KCMF1: variants seen among roughly 807,000 people sequenced by gnomAD.
KCMF1 encodes E3 ubiquitin-protein ligase KCMF1.
Under a neutral mutation model 41.1 loss-of-function variants are expected in KCMF1, and 3 were observed. That is an observed-to-expected ratio of 0.07 (90% CI 0.03 to 0.19). The LOEUF is 0.19. Ranked by LOEUF, KCMF1 falls within the 10% of genes least tolerant of loss-of-function variation. The pLI is 1.00. For synonymous variants in KCMF1, 142 were observed against 164.5 expected, an observed-to-expected ratio of 0.86 and a Z score of 1.04; for missense variants, 286 against 488.9, an observed-to-expected ratio of 0.58 and a Z score of 3.91.
intron 1 of KCMF1, among the ~76,000 whole-genome samples, chr2:84,992,905 A>G (rs1301897041): frequency 1.3e-5 from 2 of 152,144 alleles, no homozygotes; most frequent in Admixed American, 6.5e-5. Context: ...CAGCATCACC[A>G]TAGACAGTAT....
chr2:84,992,606 G>A (rs920779153), intron 1 of KCMF1, among the ~76,000 whole-genome samples: 5 of 151,558 alleles, frequency 3.3e-5, no homozygotes, highest in Admixed American at 6.6e-5. Context: ...CAGTTTTAAC[G>A]ATTTTATTTA....
chr2:85,004,341 C>G (rs543986664), intron 1 of KCMF1, among the ~76,000 whole-genome samples: 1 of 152,100 alleles, frequency 6.6e-6, no homozygotes, highest in South Asian at 2.1e-4. Context: ...GAAAACCTGC[C>G]TCTACTAAAA....
chr2:85,005,177 C>G (rs1406738120), intron 1 of KCMF1, among the ~76,000 whole-genome samples: 3 of 151,452 alleles, frequency 2.0e-5, no homozygotes, highest in East Asian at 2.0e-4. Context: ...AAAGTGCTGG[C>G]ATTACAGGCA....
At chr2:85,049,224 AT>A (rs1228429466) in intron 5 of KCMF1, 141 bp from the exon 6 acceptor site, 4 of 766,038 alleles carry the variant, frequency 5.2e-6, no homozygotes, top group Non-Finnish European at 8.5e-6. Context: ...TTCTAGAAGG[AT>A]TCAGCTCTTA....
chr2:85,004,721 A>G (rs1003866403), intron 1 of KCMF1, among the ~76,000 whole-genome samples: 3 of 151,990 alleles, frequency 2.0e-5, no homozygotes, highest in African/African-American at 7.3e-5. Flanking sequence ...CTTACCCTTT[A>G]TATTACCGGT....
At chr2:85,046,502 T>A (rs1366160407) in intron 5 of KCMF1, among the ~76,000 whole-genome samples, 1 of 151,906 alleles carries the variant, frequency 6.6e-6, no homozygotes, top group Admixed American at 6.6e-5. Context: ...TGGTGGTGGG[T>A]GCCTGTAATC....
At position 85,000,353 on chromosome 2, in the gene KCMF1, G is replaced by A. The variant is rs559501918; in HGVS notation, c.17-27536G>A. ...TTAGCCAGGATGGTCTCGATCTCCTGACCTCGTGATCCGCCCATCTCAACC... is the reference window on the plus strand; with the variant it reads ...TTAGCCAGGATGGTCTCGATCTCCTAACCTCGTGATCCGCCCATCTCAACC... On this transcript the variant is annotated intron_variant, in intron 1 of 6. Transcript: ENST00000409785. 2.0e-5 allele frequency among the ~76,000 whole-genome samples: 3 copies of A among 152,248 alleles called. No individual in the cohort carries two copies. In the East Asian group the frequency reaches 5.8e-4, roughly 29 times the overall value.
intron 1 of KCMF1, among the ~76,000 whole-genome samples, chr2:85,001,303 G>A (rs1255018801): frequency 2.6e-5 from 4 of 151,522 alleles, no homozygotes; most frequent in South Asian, 4.2e-4. Context: ...GACTACAGGC[G>A]TATACCACCA....
At chr2:84,995,168 C>G (rs1049975704) in intron 1 of KCMF1, among the ~76,000 whole-genome samples, 1 of 151,864 alleles carries the variant, frequency 6.6e-6, no homozygotes, top group Admixed American at 6.6e-5. Context: ...ATTACAGGCG[C>G]CCACCACCAA....
At chr2:85,051,460 G>C (rs989756504) in intron 6 of KCMF1, among the ~76,000 whole-genome samples, 3 of 142,988 alleles carry the variant, frequency 2.1e-5, no homozygotes, top group Non-Finnish European at 4.5e-5. Flanking sequence ...AAACTACTCA[G>C]CTTGATCTGT....
intron 1 of KCMF1, among the ~76,000 whole-genome samples, chr2:85,006,766 T>C (rs1342675758): frequency 6.6e-6 from 1 of 151,656 alleles, no homozygotes; most frequent in Non-Finnish European, 1.5e-5. Context: ...ATGTATCTAG[T>C]AAAAAGAGAA....
intron 2 of KCMF1, among the ~76,000 whole-genome samples, chr2:85,028,473 C>T (rs1279848866): frequency 7.2e-6 from 1 of 139,440 alleles, no homozygotes; most frequent in African/African-American, 2.7e-5. Flanking sequence ...GCGTGAGCCA[C>T]TGTGCCTGGC....
chr2:85,051,749 C>A (rs1033831378), intron 6 of KCMF1, among the ~76,000 whole-genome samples: 4 of 152,172 alleles, frequency 2.6e-5, no homozygotes, highest in African/African-American at 7.2e-5. Context: ...CTTCCACCCC[C>A]AATTAATAAG....
intron 1 of KCMF1, among the ~76,000 whole-genome samples, chr2:84,993,701 G>A (rs1376613265): frequency 7.3e-5 from 11 of 150,270 alleles, no homozygotes; most frequent in Middle Eastern, 3.6e-3. Flanking sequence ...TCAGCCTCCC[G>A]AGTAGCTGGG....
chr2:85,024,590 G>A (rs1330268632), intron 1 of KCMF1, among the ~76,000 whole-genome samples: 1 of 151,752 alleles, frequency 6.6e-6, no homozygotes, highest in African/African-American at 2.4e-5. Flanking sequence ...GAGAGTGTGT[G>A]TGTGTGTGTG....
rs1437099969 is a variant in KCMF1, at chr2:85,024,575, AGAGAGAGAGT to A, written c.17-3312_17-3303del. 3.2e-3 allele frequency among the ~76,000 whole-genome samples: 455 copies of A among 143,726 alleles called. 2 individuals are homozygous for A. Among genetic ancestry groups the A allele is most frequent in the African/African-American group, 0.01 (410 of 39,586 alleles). The allele number at this position is 143,726 out of a possible 152,430, so 94.3% of individuals were successfully genotyped here. A position where few individuals can be genotyped will look rare whatever the true frequency, so the allele number is the denominator to read the frequency against. On this transcript the variant is annotated intron_variant, in intron 1 of 6. Transcript: ENST00000409785. ...GAGTGAGAGAGAGAGAGAGAGAGAG[AGAGAGAGAGT>A]GTGTGTGTGTGTGTGTGTGTGCGCG... is the stretch of plus-strand genomic sequence containing the variant.
In KCMF1 at chr2:84,971,278, CCCGCCG is replaced by C. The variant is rs540667091; in HGVS notation, c.-154_-149del. On this transcript the variant is annotated 5_prime_UTR_variant, in exon 1 of 7. Transcript: ENST00000409785. ...CCCCATTCCCGCCCCGCGCCGCCTC[CCCGCCG>C]CCGCCGCCGCCGCCGCCGCGGGAGC... 22 of 160,428 alleles carry C rather than the reference CCCGCCG, an allele frequency of 1.4e-4. No individual in the cohort carries two copies. Among genetic ancestry groups the C allele is most frequent in the Non-Finnish European group, 2.2e-4 (17 of 78,254 alleles). 9.9% of individuals were successfully genotyped at this position (160,428 alleles called of 1,614,324 possible). A position where few individuals can be genotyped will look rare whatever the true frequency, so the allele number is the denominator to read the frequency against.
chr2:84,993,966 G>A (rs1049038787), intron 1 of KCMF1, among the ~76,000 whole-genome samples: 1 of 138,862 alleles, frequency 7.2e-6, no homozygotes, highest in Non-Finnish European at 1.5e-5. Flanking sequence ...TGTTTTGTTT[G>A]AGACAGAGTC....
intron 3 of KCMF1, among the ~76,000 whole-genome samples, chr2:85,040,538 C>G (rs1675503500): frequency 6.6e-6 from 1 of 152,118 alleles, no homozygotes; most frequent in South Asian, 2.1e-4. Flanking sequence ...CCTTCATTTC[C>G]TCTCAGAAAA....
Sources: gnomAD v4.1 joint callset for allele counts (sites outside exome capture counted in the v4.1 genomes callset) on GRCh38, gnomAD v4.1.1 for gene constraint, MANE v1.5 for transcripts, NCBI Gene and HGNC (gene_info 2026-07-23, HGNC 2026-07-21) for gene names.